The following PDE4D variants were observed in gnomAD, a reference collection of about 807,000 sequenced individuals.
PDE4D encodes phosphodiesterase 4D, also known as 3',5'-cyclic-AMP phosphodiesterase 4D.
A neutral mutation model predicts 87.4 loss-of-function variants in PDE4D; 24 were observed. That is an observed-to-expected ratio of 0.27 (90% CI 0.20 to 0.39). PDE4D has a LOEUF of 0.39. Ranked by LOEUF, PDE4D falls within the 10% of genes least tolerant of loss-of-function variation. PDE4D has a pLI of 1.00. For synonymous variants in PDE4D, 384 were observed against 383.2 expected (o/e 1.00, Z -0.02); for missense variants, 714 against 1,041.0 (o/e 0.69, Z 4.32).
chr5:59,897,246 G>A (rs750993236), upstream of PDE4D, among the ~76,000 whole-genome samples: 34 of 151,982 alleles, frequency 2.2e-4, no homozygotes, highest in Non-Finnish European at 4.6e-4. Flanking sequence ...CTGTCCAAAA[G>A]ATACAATCAA....
chr5:59,328,287 G>A (rs1776079103), intron 1 of PDE4D, among the ~76,000 whole-genome samples: 1 of 152,114 alleles, frequency 6.6e-6, no homozygotes, highest in South Asian at 2.1e-4. Flanking sequence ...CTGTAAAAAG[G>A]GGGTAATAAT....
intron 1 of PDE4D, among the ~76,000 whole-genome samples, chr5:59,262,101 T>G (rs1162173701): frequency 1.7e-4 from 26 of 151,880 alleles, no homozygotes. Flanking sequence ...AAGGATATAG[T>G]AGAAGGTGAA....
At chr5:60,515,168 T>A (rs977856058) in intron 1 of PDE4D, among the ~76,000 whole-genome samples, 4 of 152,154 alleles carry the variant, frequency 2.6e-5, no homozygotes, top group African/African-American at 9.6e-5. Context: ...TATTGTACTT[T>A]ATAGTAAGTA....
At chr5:60,111,768 G>A (rs538687376) in intron 2 of PDE4D, among the ~76,000 whole-genome samples, 2 of 151,840 alleles carry the variant, frequency 1.3e-5, no homozygotes, top group Non-Finnish European at 2.9e-5. Flanking sequence ...AATATACCTT[G>A]TGATAAAGTA....
chr5:59,470,541 T>C (rs960845941), intron 1 of PDE4D, among the ~76,000 whole-genome samples: 3 of 152,192 alleles, frequency 2.0e-5, no homozygotes, highest in African/African-American at 7.2e-5. Flanking sequence ...ACAGAGTATA[T>C]AGTAAGATCT....
intron 1 of PDE4D, among the ~76,000 whole-genome samples, chr5:60,443,083 G>A (rs1297875274): frequency 1.3e-5 from 2 of 152,092 alleles, no homozygotes. Flanking sequence ...AGTTGAGTGT[G>A]ATAGACATTA....
intron 1 of PDE4D, among the ~76,000 whole-genome samples, chr5:59,783,549 TCA>T (rs372491380): frequency 1.5e-4 from 23 of 152,228 alleles, no homozygotes; most frequent in African/African-American, 5.1e-4. Context: ...TCTCATGCTT[TCA>T]CTCTCTTAAA....
At chr5:60,484,861 G>A (rs1304005619) in intron 1 of PDE4D, among the ~76,000 whole-genome samples, 1 of 152,150 alleles carries the variant, frequency 6.6e-6, no homozygotes, top group African/African-American at 2.4e-5. Flanking sequence ...ACATTACAAT[G>A]TTCTTTTGAC....
intron 1 of PDE4D, among the ~76,000 whole-genome samples, chr5:59,690,238 C>CA (rs1212769935): frequency 3.3e-5 from 5 of 152,046 alleles, no homozygotes; most frequent in Non-Finnish European, 7.4e-5. Flanking sequence ...TATGTGGAAC[C>CA]AAAAAAGAGC....
chr5:60,043,346 A>G (rs1768749934), intron 2 of PDE4D, among the ~76,000 whole-genome samples: 1 of 152,178 alleles, frequency 6.6e-6, no homozygotes, highest in African/African-American at 2.4e-5. Context: ...GTGATGGGAG[A>G]ATGGAACCAA....
At chr5:59,154,426 T>C (rs1354244473) in intron 5 of PDE4D, among the ~76,000 whole-genome samples, 2 of 152,204 alleles carry the variant, frequency 1.3e-5, no homozygotes, top group African/African-American at 4.8e-5. Flanking sequence ...CTGTATCATA[T>C]TTTTAAAATA....
At chr5:60,318,208 C>T (rs955935962) in intron 1 of PDE4D, among the ~76,000 whole-genome samples, 3 of 152,124 alleles carry the variant, frequency 2.0e-5, no homozygotes, top group African/African-American at 4.8e-5. Context: ...TTAGCTCTTC[C>T]TGTTGAATTG....
At chr5:59,904,608 C>T (rs750431365) in intron 3 of PDE4D, among the ~76,000 whole-genome samples, 34 of 152,236 alleles carry the variant, frequency 2.2e-4, no homozygotes, top group Non-Finnish European at 4.3e-4. Flanking sequence ...TACTTTTCAG[C>T]GTACCACAAT....
At chr5:59,844,877 CAGA>C (rs1743586923) in intron 1 of PDE4D, among the ~76,000 whole-genome samples, 1 of 152,154 alleles carries the variant, frequency 6.6e-6, no homozygotes, top group East Asian at 1.9e-4. Context: ...CTGACTGAAT[CAGA>C]AGAACATCCA....
intron 1 of PDE4D, among the ~76,000 whole-genome samples, chr5:59,666,429 C>T (rs1010310442): frequency 3.3e-5 from 5 of 152,124 alleles, no homozygotes; most frequent in African/African-American, 1.2e-4. Flanking sequence ...CAAAAAATCT[C>T]CAAAAGTTTA....
chr5:59,709,015 G>T (rs1753832429), intron 1 of PDE4D, among the ~76,000 whole-genome samples: 1 of 151,356 alleles, frequency 6.6e-6, no homozygotes, highest in African/African-American at 2.4e-5. Context: ...TTTGATAGCA[G>T]AATCATAACA....
chr5:59,542,647 G>T (rs548379485), intron 1 of PDE4D, among the ~76,000 whole-genome samples: 12 of 152,100 alleles, frequency 7.9e-5, no homozygotes, highest in Non-Finnish European at 1.3e-4. Flanking sequence ...CTAAATTCCA[G>T]AACAAATCTC....
intron 1 of PDE4D, among the ~76,000 whole-genome samples, chr5:59,859,458 G>A (rs1173845399): frequency 2.6e-5 from 4 of 152,114 alleles, no homozygotes; most frequent in African/African-American, 9.7e-5. Flanking sequence ...AGGGTTCAAA[G>A]GTAATTCCAA....
intron 1 of PDE4D, among the ~76,000 whole-genome samples, chr5:60,362,875 A>G (rs1214365943): frequency 1.3e-5 from 2 of 152,042 alleles, no homozygotes; most frequent in Non-Finnish European, 2.9e-5. Context: ...AAAAAAAAAA[A>G]AAAGAAATAT....
Sources: allele counts gnomAD v4.1 joint callset (sites outside exome capture counted in the v4.1 genomes callset), GRCh38; gene constraint gnomAD v4.1.1; transcripts MANE v1.5; gene names NCBI Gene and HGNC (gene_info 2026-07-23, HGNC 2026-07-21).